LIN7A: variants seen among roughly 807,000 people sequenced by gnomAD.
The protein encoded by LIN7A is protein lin-7 homolog A.
LIN7A carries 25 observed loss-of-function variants against 29.8 expected under a neutral mutation model. The ratio of observed to expected loss-of-function variants is 0.84; its 90% CI spans 0.61 to 1.17. The LOEUF (loss-of-function observed/expected upper bound fraction) is 1.17. Ranked by LOEUF, LIN7A falls within the 50% of genes most tolerant of loss-of-function variation. The pLI is 0.00. For missense variants in LIN7A, 239 were observed against 287.0 expected, an observed-to-expected ratio of 0.83 and a Z score of 1.21; for synonymous variants, 118 against 107.5, an observed-to-expected ratio of 1.10 and a Z score of -0.60.
chr12:80,843,922 G>C (rs990090489), intron 4 of LIN7A, among the ~76,000 whole-genome samples: 1 of 151,718 alleles, frequency 6.6e-6, no homozygotes. Context: ...TGCTAAACAA[G>C]GTCTGTTTAG....
intron 4 of LIN7A, among the ~76,000 whole-genome samples, chr12:80,837,447 G>A (rs926231333): frequency 6.6e-6 from 1 of 152,012 alleles, no homozygotes; most frequent in Non-Finnish European, 1.5e-5. Flanking sequence ...AGGTAATAAC[G>A]TTACCATGGA....
At chr12:80,806,033 G>T (rs541568917) in intron 5 of LIN7A, among the ~76,000 whole-genome samples, 1 of 141,568 alleles carries the variant, frequency 7.1e-6, no homozygotes, top group East Asian at 2.0e-4. Flanking sequence ...AGCTGAGATC[G>T]CACCACGGCA....
intron 4 of LIN7A, among the ~76,000 whole-genome samples, chr12:80,830,320 A>G (rs1872285420): frequency 6.6e-6 from 1 of 152,222 alleles, no homozygotes; most frequent in Non-Finnish European, 1.5e-5. Context: ...TTATATTATC[A>G]TCTTTTAGCA....
chr12:80,921,493 C>A (rs1298490572), intron 1 of LIN7A, among the ~76,000 whole-genome samples: 1 of 141,058 alleles, frequency 7.1e-6, no homozygotes, highest in Non-Finnish European at 1.5e-5. Flanking sequence ...TGAACAGCAG[C>A]CTTCTGGATC....
At chr12:80,889,884 T>C (rs191506660) in intron 1 of LIN7A, among the ~76,000 whole-genome samples, 29 of 152,290 alleles carry the variant, frequency 1.9e-4, no homozygotes, top group Admixed American at 1.2e-3. Flanking sequence ...GTATGGTATA[T>C]TGTAGTGATT....
rs760389788 is a variant in LIN7A, at chr12:80,899,765, C to CTTTTTTTTTTTTTTT, written c.83-10397_83-10396insAAAAAAAAAAAAAAA. 3.9e-4 allele frequency among the ~76,000 whole-genome samples: 43 copies of CTTTTTTTTTTTTTTT among 110,040 alleles called. 6 individuals are homozygous for CTTTTTTTTTTTTTTT. The highest frequency in any genetic ancestry group is 5.9e-4 in the South Asian group (2 of 3,382). The allele number at this position is 110,040 out of a possible 152,430, so 72.2% of individuals were successfully genotyped here. On this transcript the variant is annotated intron_variant, in intron 1 of 5. Transcript: ENST00000552864. Reference sequence around the variant, plus strand: ...CATTTCCTCTAGGTTTTCTTTTTTTCTTTTCTTTTTTTTTTTTTTTTGAGA... The same window carrying CTTTTTTTTTTTTTTT: ...CATTTCCTCTAGGTTTTCTTTTTTTCTTTTTTTTTTTTTTTTTTTCTTTTTTTTTTTTTTTTGAGA...
chr12:80,909,806 A>C (rs1360152443), intron 1 of LIN7A, among the ~76,000 whole-genome samples: 1 of 151,534 alleles, frequency 6.6e-6, no homozygotes, highest in Non-Finnish European at 1.5e-5. Context: ...CAAATCTGTT[A>C]TTCTATGTCC....
intron 1 of LIN7A, chr12:80,935,754 TA>T: frequency 2.0e-6 from 1 of 503,714 alleles, no homozygotes; most frequent in Non-Finnish European, 4.2e-6. Flanking sequence ...ATCCACAGGG[TA>T]AACCTGCTTG....
rs5799492 is a variant in LIN7A, at chr12:80,863,902, G to GT, written c.202-15581dup. On this transcript the variant is annotated intron_variant, in intron 2 of 5. Coordinates refer to ENST00000552864, the MANE Select transcript of LIN7A (RefSeq NM_004664.4). The stretch of plus-strand genomic sequence containing the variant: ...TGAATGATGAAAGGCTTGTTTGTTT[G>GT]TTTTTTTTTAACAACATTAAAATGT... Among the ~76,000 whole-genome samples the GT allele has an allele frequency of 1.0e-3, 151 of 150,980 alleles. 2 individuals are homozygous for GT. In the East Asian group the frequency reaches 0.017, roughly 17 times the overall value.
Position 80,820,150 on chromosome 12 carries a change from G to T in LIN7A, c.484-8467C>A, listed in dbSNP as rs564971131. Among the ~76,000 whole-genome samples, 9 of 152,144 alleles carry T rather than the reference G, an allele frequency of 5.9e-5. No individual in the cohort carries two copies. The East Asian group carries it at 1.4e-3, about 23-fold the overall frequency. ...TTCCTCTCAGTCCCTCAACAATGTC[G>T]CGCTCTGTTAGGTAAAGAAGGAACG... On this transcript the variant is annotated intron_variant, in intron 4 of 5. Transcript: ENST00000552864.
At chr12:80,812,215 T>A (rs1329443049) in intron 4 of LIN7A, among the ~76,000 whole-genome samples, 1 of 152,096 alleles carries the variant, frequency 6.6e-6, no homozygotes. Context: ...AGAAAAGGAC[T>A]ATTAACTAAA....
chr12:80,889,226 A>G, intron 2 of LIN7A, 25 bp downstream of exon 2: 1 of 1,198,352 alleles, frequency 8.3e-7, no homozygotes, highest in South Asian at 1.2e-5. Flanking sequence ...GGCTGAATTT[A>G]GTTATTAAAA....
At chr12:80,933,923 T>C (rs1393485435) in intron 1 of LIN7A, among the ~76,000 whole-genome samples, 1 of 152,182 alleles carries the variant, frequency 6.6e-6, no homozygotes, top group Non-Finnish European at 1.5e-5. Context: ...CTCATTAGCA[T>C]GCAAATGCCA....
chr12:80,847,844 G>A (rs1873149149), intron 3 of LIN7A, among the ~76,000 whole-genome samples: 1 of 152,164 alleles, frequency 6.6e-6, no homozygotes, highest in African/African-American at 2.4e-5. Context: ...CTAGATCAGT[G>A]GGTGTCAGGT....
intron 4 of LIN7A, among the ~76,000 whole-genome samples, chr12:80,821,070 C>T (rs1227303987): frequency 6.6e-6 from 1 of 152,200 alleles, no homozygotes; most frequent in African/African-American, 2.4e-5. Flanking sequence ...CCATACTCAC[C>T]CCATTACAGT....
chr12:80,883,717 T>C (rs1424202178), intron 2 of LIN7A, among the ~76,000 whole-genome samples: 3 of 152,214 alleles, frequency 2.0e-5, no homozygotes, highest in Non-Finnish European at 4.4e-5. Context: ...AGACTGGTGG[T>C]ATTAGTCCAT....
intron 1 of LIN7A, among the ~76,000 whole-genome samples, chr12:80,914,713 AC>A (rs1361613476): frequency 6.6e-6 from 1 of 152,138 alleles, no homozygotes; most frequent in Non-Finnish European, 1.5e-5. Flanking sequence ...TTAACTTTTC[AC>A]ACAGAACTGT....
At chr12:80,909,694 C>A (rs1199379090) in intron 1 of LIN7A, among the ~76,000 whole-genome samples, 2 of 152,104 alleles carry the variant, frequency 1.3e-5, no homozygotes, top group East Asian at 3.9e-4. Context: ...AAAGGCCCCA[C>A]CTCCTAATAG....
chr12:80,821,356 C>G (rs1049155289), intron 4 of LIN7A, among the ~76,000 whole-genome samples: 1 of 152,094 alleles, frequency 6.6e-6, no homozygotes, highest in Non-Finnish European at 1.5e-5. Flanking sequence ...CAAGATGTTG[C>G]ACATGTGCAC....
Sources: allele counts gnomAD v4.1 joint callset (sites outside exome capture counted in the v4.1 genomes callset), GRCh38; gene constraint gnomAD v4.1.1; transcripts MANE v1.5; gene names NCBI Gene and HGNC (gene_info 2026-07-23, HGNC 2026-07-21).